PLG: variants seen among roughly 807,000 people sequenced by gnomAD.
The protein encoded by PLG is plasminogen.
A neutral mutation model predicts 104.4 loss-of-function variants in PLG; 41 were observed. The observed-to-expected ratio is 0.39, with a 90% CI of 0.31 to 0.51. The LOEUF (loss-of-function observed/expected upper bound fraction) is 0.51. Among genes scored for constraint, PLG ranks in the 20% least tolerant of loss-of-function variants. The probability of loss-of-function intolerance (pLI) is 0.76; values close to 1 mark genes in which losing one functional copy is unlikely to be tolerated. For missense variants in PLG, 891 were observed against 1,003.6 expected (o/e 0.89, Z 1.52); for synonymous variants, 337 against 357.1 (o/e 0.94, Z 0.63).
At chr6:160,717,843 T>C (rs1454778141) in intron 7 of PLG, among the ~76,000 whole-genome samples, 2 of 152,212 alleles carry the variant, frequency 1.3e-5, no homozygotes, top group Non-Finnish European at 2.9e-5. Flanking sequence ...TCTGAAAACA[T>C]GAAACAATTC....
chr6:160,732,670 TC>T lies in PLG; in HGVS notation c.1587+778del, dbSNP rs2115174699. On this transcript the variant is annotated intron_variant, in intron 12 of 18. Transcript: ENST00000308192. This position sits in a 1 kb window ranked among gnomAD's most constrained non-coding sequence, Gnocchi z 4.5. ...TACTTGATTACTTTGCTAGAGTGGC[TC>T]ACAGAACTCAGGGGAACACGTTACT... Among the ~76,000 whole-genome samples the T allele has an allele frequency of 6.6e-6, 1 of 152,308 alleles. No homozygotes were observed. Among genetic ancestry groups the T allele is most frequent in the East Asian group, 1.9e-4 (1 of 5,176 alleles).
Position 160,752,839 on chromosome 6 carries a change from A to G in PLG, c.2272-61A>G. 1 of 1,554,340 alleles carries G rather than the reference A, an allele frequency of 6.4e-7. No individual in the cohort carries two copies. The highest frequency in any genetic ancestry group is 8.9e-7 in the Non-Finnish European group (1 of 1,125,708). Reference sequence around the variant, plus strand: ...TATATATGGATAGTAGAAGGATGGCATCCCATAATAAAAGGCAGGCAGCCT... The same window carrying G: ...TATATATGGATAGTAGAAGGATGGCGTCCCATAATAAAAGGCAGGCAGCCT... On this transcript the variant is annotated intron_variant, in intron 18 of 18. Transcript: ENST00000308192. This position sits in a 1 kb window ranked among gnomAD's most constrained non-coding sequence, Gnocchi z 4.7.
rs4252166 is a variant in PLG, at chr6:160,740,872, G to C, written c.2019-439G>C. On this transcript the variant is annotated intron_variant, in intron 16 of 18. Transcript: ENST00000308192. The surrounding 1 kb of genome is among the most constrained non-coding windows in gnomAD (Gnocchi z 5.2). The stretch of plus-strand genomic sequence containing the variant: ...CTGAGGAGGAAATGGAGGATCCAAG[G>C]ATGGAGCAAGTTGCTCTGGGCACAC... Among the ~76,000 whole-genome samples, 19,003 of 152,116 alleles carry C rather than the reference G, an allele frequency of 0.12. 1,545 individuals are homozygous for C. The highest frequency in any genetic ancestry group is 0.18 in the Middle Eastern group (52 of 294).
chr6:160,748,382 A>AGAG (rs1562383390), intron 17 of PLG, among the ~76,000 whole-genome samples: 10 of 42,436 alleles, frequency 2.4e-4, no homozygotes, highest in Non-Finnish European at 4.2e-4. Context: ...GAAAGAAAGA[A>AGAG]AGAAAGAAAG....
rs1777797150 is a variant in PLG, at chr6:160,719,592, CT to C, written c.1096+760del. 6.6e-6 allele frequency among the ~76,000 whole-genome samples: 1 copy of C among 152,060 alleles called. No homozygotes were observed. Among genetic ancestry groups the C allele is most frequent in the Admixed American group, 6.6e-5 (1 of 15,260 alleles). ...TCTTTGTCCCATTTAAACTTTGTTC[CT>C]TTTTTCATCTTTTTCTGCCTTCATT... On this transcript the variant is annotated intron_variant, in intron 9 of 18. Coordinates refer to ENST00000308192, the MANE Select transcript of PLG (RefSeq NM_000301.5). This position sits in a 1 kb window ranked among gnomAD's most constrained non-coding sequence, Gnocchi z 4.1.
In PLG at chr6:160,724,640, C is replaced by T. The variant is rs898119220; in HGVS notation, c.1256+2073C>T. Among the ~76,000 whole-genome samples, 8 of 151,998 alleles carry T rather than the reference C, an allele frequency of 5.3e-5. No individual in the cohort carries two copies. Among genetic ancestry groups the T allele is most frequent in the Non-Finnish European group, 8.8e-5 (6 of 68,010 alleles). The stretch of plus-strand genomic sequence containing the variant: ...GTGGTAAAAATGACTGATGCCTTCT[C>T]GTCAGAAACTATGCTGGTCAGAAAC... On this transcript the variant is annotated intron_variant, in intron 10 of 18. Transcript: ENST00000308192. This position sits in a 1 kb window ranked among gnomAD's most constrained non-coding sequence, Gnocchi z 5.0.
intron 3 of PLG, among the ~76,000 whole-genome samples, chr6:160,708,933 G>A (rs1386416091): frequency 9.9e-5 from 15 of 151,100 alleles, no homozygotes; most frequent in Admixed American, 2.0e-4. Context: ...GCAAGCAAAC[G>A]GTAAACTAAA....
At chr6:160,713,619 A>G (rs567411021) in intron 5 of PLG, among the ~76,000 whole-genome samples, 73 of 152,308 alleles carry the variant, frequency 4.8e-4, no homozygotes, top group African/African-American at 1.7e-3. Context: ...CAAATATAAA[A>G]CTACATCTAA....
chr6:160,730,165 C>T (rs538808345), intron 10 of PLG, among the ~76,000 whole-genome samples: 56 of 152,340 alleles, frequency 3.7e-4, no homozygotes, highest in Middle Eastern at 3.4e-3. Context: ...CCCCCCCAGC[C>T]CGGGGTCCTC....
chr6:160,739,320 T>A lies in PLG; in HGVS notation c.2018+112T>A. 1 of 1,397,890 alleles carries A rather than the reference T, an allele frequency of 7.2e-7. No individual in the cohort carries two copies. Among genetic ancestry groups the A allele is most frequent in the Non-Finnish European group, 1.0e-6 (1 of 988,454 alleles). 86.6% of individuals were successfully genotyped at this position (1,397,890 alleles called of 1,614,324 possible). On this transcript the variant is annotated intron_variant, in intron 16 of 18. Transcript: ENST00000308192. The surrounding 1 kb of genome is among the most constrained non-coding windows in gnomAD (Gnocchi z 4.4). ...CAGTGGGGAGGAACTGTCTATCACA[T>A]GAAAGGCTCAAGGGCTTTGGGGACA...
chr6:160,722,042 G>GC (rs1777839519), intron 9 of PLG, among the ~76,000 whole-genome samples: 1 of 152,160 alleles, frequency 6.6e-6, no homozygotes, highest in East Asian at 1.9e-4. Context: ...TTTCATGTCT[G>GC]CCCCCCACTG....
intron 7 of PLG, among the ~76,000 whole-genome samples, chr6:160,717,607 G>A (rs1186275014): frequency 1.3e-5 from 2 of 152,080 alleles, no homozygotes; most frequent in African/African-American, 2.4e-5. Flanking sequence ...CATGTTGGGT[G>A]CCATTCAGTC....
At chr6:160,727,967 A>G (rs1398963237) in intron 10 of PLG, among the ~76,000 whole-genome samples, 1 of 151,968 alleles carries the variant, frequency 6.6e-6, no homozygotes, top group East Asian at 1.9e-4. Context: ...AGAGAGGAAA[A>G]AAAGGAAGGA....
At position 160,752,078 on chromosome 6, in the gene PLG, G is replaced by T; in HGVS notation, c.2126-37G>T. 1 of 1,601,350 alleles carries T rather than the reference G, an allele frequency of 6.2e-7. No individual in the cohort carries two copies. Among genetic ancestry groups the T allele is most frequent in the South Asian group, 1.1e-5 (1 of 90,512 alleles). ...GGAATATCCTCCTGAATGTGTTTTG[G>T]GTGCAGTTGCCATTTCTTTCATCTT... On this transcript the variant is annotated intron_variant, in intron 17 of 18. Transcript: ENST00000308192. The surrounding 1 kb of genome is among the most constrained non-coding windows in gnomAD (Gnocchi z 4.7).
intron 10 of PLG, among the ~76,000 whole-genome samples, chr6:160,727,818 C>T (rs1777942141): frequency 6.6e-6 from 1 of 151,952 alleles, no homozygotes; most frequent in African/African-American, 2.4e-5. Context: ...CTCCAGATAA[C>T]ATCAACTTAA....
chr6:160,720,649 A>G (rs369571934), intron 9 of PLG, among the ~76,000 whole-genome samples: 6 of 151,264 alleles, frequency 4.0e-5, no homozygotes, highest in African/African-American at 1.2e-4. Context: ...CAAACTTCTG[A>G]CCTCAGACGG....
intron 6 of PLG, among the ~76,000 whole-genome samples, chr6:160,715,708 T>C (rs1777716011): frequency 6.6e-6 from 1 of 152,084 alleles, no homozygotes; most frequent in Non-Finnish European, 1.5e-5. Flanking sequence ...GGAAAGCAGC[T>C]CTATTGAATT....
At position 160,741,477 on chromosome 6, in the gene PLG, A is replaced by C. The variant is rs1778195077; in HGVS notation, c.2125+60A>C. The C allele has an allele frequency of 1.0e-6, 1 of 989,866 alleles. No homozygotes were observed. The highest frequency in any genetic ancestry group is 1.6e-6 in the Non-Finnish European group (1 of 614,200). 61.3% of individuals were successfully genotyped at this position (989,866 alleles called of 1,614,324 possible). Reference sequence around the variant, plus strand: ...GTTTTGACCTACAGTCCATGTGACAAAATGATCATTTTGGAGAAAGCTGTG... The same window carrying C: ...GTTTTGACCTACAGTCCATGTGACACAATGATCATTTTGGAGAAAGCTGTG... On this transcript the variant is annotated intron_variant, in intron 17 of 18. Coordinates refer to ENST00000308192, the MANE Select transcript of PLG (RefSeq NM_000301.5). The surrounding 1 kb of genome is among the most constrained non-coding windows in gnomAD (Gnocchi z 4.7).
chr6:160,750,744 A>G (rs1778388497), intron 17 of PLG, among the ~76,000 whole-genome samples: 1 of 152,184 alleles, frequency 6.6e-6, no homozygotes, highest in Non-Finnish European at 1.5e-5. Context: ...GGGGAAAGAG[A>G]GAGTGCCTCG....
Sources: gnomAD v4.1 joint callset for allele counts (sites outside exome capture counted in the v4.1 genomes callset) on GRCh38, gnomAD v4.1.1 for gene constraint, Gnocchi (gnomAD v3.1) non-coding constraint, MANE v1.5 for transcripts, NCBI Gene and HGNC (gene_info 2026-07-23, HGNC 2026-07-21) for gene names.